The following SAP130 variants were observed in gnomAD, a reference collection of about 807,000 sequenced individuals.
SAP130 encodes the protein Sin3A associated protein 130, also known as histone deacetylase complex subunit SAP130.
Under a neutral mutation model 103.2 loss-of-function variants are expected in SAP130, and 16 were observed. The observed-to-expected ratio is 0.16, with a 90% CI of 0.10 to 0.24. SAP130 has a LOEUF of 0.24. Among genes scored for constraint, SAP130 ranks in the 10% least tolerant of loss-of-function variants. The probability of loss-of-function intolerance (pLI) is 1.00; values close to 1 mark genes in which losing one functional copy is unlikely to be tolerated. For missense variants in SAP130, 990 were observed against 1,359.7 expected (o/e 0.73, Z 4.28); for synonymous variants, 477 against 497.0 (o/e 0.96, Z 0.53).
At chr2:127,992,640 A>G (rs1355953250) in intron 12 of SAP130, among the ~76,000 whole-genome samples, 1 of 152,196 alleles carries the variant, frequency 6.6e-6, no homozygotes, top group Non-Finnish European at 1.5e-5. Context: ...GTAAAAGACT[A>G]CACAGACTCT....
intron 4 of SAP130, among the ~76,000 whole-genome samples, chr2:128,015,925 C>T (rs1006377433): frequency 7.0e-6 from 1 of 142,432 alleles, no homozygotes; most frequent in Non-Finnish European, 1.5e-5. Context: ...TGGGTGACAC[C>T]GTGAGATTCT....
chr2:128,005,034 C>T lies in SAP130; in HGVS notation c.870-4580G>A, dbSNP rs114264792. 4.3e-3 allele frequency among the ~76,000 whole-genome samples: 657 copies of T among 152,254 alleles called. 2 individuals carry two copies. The highest frequency in any genetic ancestry group is 0.015 in the African/African-American group (623 of 41,544). ...AAACACACCAGAAGTGCTTTCACTA[C>T]GCAGATGAACACTGTACCATGAATT... On this transcript the variant is annotated intron_variant, in intron 7 of 20. Transcript: ENST00000643581.
chr2:127,979,428 T>A (rs1681706447), intron 14 of SAP130, among the ~76,000 whole-genome samples: 1 of 151,834 alleles, frequency 6.6e-6, no homozygotes, highest in South Asian at 2.1e-4. Context: ...GGGGATGCCA[T>A]CAACAAAATC....
At chr2:128,013,241 T>C in intron 5 of SAP130, 87 bp from the exon 6 acceptor site, 3 of 1,289,242 alleles carry the variant, frequency 2.3e-6, no homozygotes, top group South Asian at 1.6e-5. Flanking sequence ...TCAGATAGCA[T>C]GTCAATATCG....
At chr2:127,974,255 G>A (rs1314793883) in intron 15 of SAP130, among the ~76,000 whole-genome samples, 4 of 152,038 alleles carry the variant, frequency 2.6e-5, no homozygotes, top group East Asian at 1.9e-4. Context: ...ATGGCTCTCC[G>A]TCTTAGAATA....
rs975178920 is a variant in SAP130, at chr2:127,989,457, A to G, written c.1780+107T>C. 1.0e-6 allele frequency: 1 copy of G among 988,966 alleles called. No individual in the cohort carries two copies. Among genetic ancestry groups the G allele is most frequent in the Non-Finnish European group, 1.5e-6 (1 of 676,202 alleles). The allele number at this position is 988,966 out of a possible 1,614,324, so 61.3% of individuals were successfully genotyped here. A position where few individuals can be genotyped will look rare whatever the true frequency, so the allele number is the denominator to read the frequency against. On this transcript the variant is annotated intron_variant, in intron 13 of 20. Transcript: ENST00000643581. This position sits in a 1 kb window ranked among gnomAD's most constrained non-coding sequence, Gnocchi z 4.6. ...TCATATTATTAATACAAAGAAGAAAAGGCCTAGAGAAATTATAAGACGACA... is the reference window on the plus strand; with the variant it reads ...TCATATTATTAATACAAAGAAGAAAGGGCCTAGAGAAATTATAAGACGACA...
At chr2:127,990,694 G>A (rs1308155116) in intron 12 of SAP130, among the ~76,000 whole-genome samples, 5 of 152,208 alleles carry the variant, frequency 3.3e-5, no homozygotes, top group African/African-American at 7.2e-5. Flanking sequence ...TGATCCCAAC[G>A]CTTTGGGAGA....
intron 15 of SAP130, among the ~76,000 whole-genome samples, chr2:127,968,523 C>T (rs1420496760): frequency 1.3e-5 from 2 of 149,462 alleles, no homozygotes; most frequent in Non-Finnish European, 3.0e-5. Flanking sequence ...AGCAAAACTC[C>T]GTCTCAAAAA....
intron 7 of SAP130, among the ~76,000 whole-genome samples, chr2:128,002,373 T>C (rs549129616): frequency 6.6e-6 from 1 of 151,796 alleles, no homozygotes; most frequent in East Asian, 1.9e-4. Flanking sequence ...CTACTAAAAA[T>C]ACAAAATTAA....
chr2:127,999,417 C>T lies in SAP130; in HGVS notation c.1213+324G>A, dbSNP rs6708014. On this transcript the variant is annotated intron_variant, in intron 10 of 20. Coordinates refer to ENST00000643581, the MANE Select transcript of SAP130 (RefSeq NM_001330301.2). ...ATGAGGTCAAGACCAGCCTGGCCAA[C>T]GTAGCGAAACCCCATCTCTACTAAA... Among the ~76,000 whole-genome samples the T allele has an allele frequency of 3.7e-4, 56 of 152,102 alleles. 1 individual carries two copies. In the South Asian group the frequency reaches 7.1e-3, roughly 19 times the overall value.
At chr2:127,985,435 C>T (rs1682308176) in intron 14 of SAP130, among the ~76,000 whole-genome samples, 1 of 152,214 alleles carries the variant, frequency 6.6e-6, no homozygotes, top group Admixed American at 6.5e-5. Context: ...ATTAGCTCAG[C>T]TGAGCCACAG....
chr2:128,027,864 G>A (rs1685634741), intron 1 of SAP130, 76 bp downstream of exon 1: 1 of 912,988 alleles, frequency 1.1e-6, no homozygotes, highest in Non-Finnish European at 1.3e-6. Context: ...CAACGGGACG[G>A]ACGCTGCAGC....
In SAP130 at chr2:127,989,874, T is replaced by A. The variant is rs1682667592; in HGVS notation, c.1478-8A>T. The A allele has an allele frequency of 6.2e-7, 1 of 1,610,610 alleles. No homozygotes were observed. The highest frequency in any genetic ancestry group is 1.3e-5 in the African/African-American group (1 of 74,946). The stretch of plus-strand genomic sequence containing the variant: ...TTGGAGCCTGAGCTGAAACTAAAAA[T>A]GATGCGAAAGGTAACTATAAGAAGG... On this transcript the variant is annotated splice_region_variant and splice_polypyrimidine_tract_variant and intron_variant, in intron 12 of 20. Coordinates refer to ENST00000643581, the MANE Select transcript of SAP130 (RefSeq NM_001330301.2). This position sits in a 1 kb window ranked among gnomAD's most constrained non-coding sequence, Gnocchi z 4.6.
chr2:127,941,982 T>A lies in SAP130; in HGVS notation c.*24A>T. On this transcript the variant is annotated 3_prime_UTR_variant, in exon 21 of 21. Transcript: ENST00000643581. ...CACCATCATTCTTCATAAATTTGCT[T>A]CCAATCTCCTGATTGTTCTGGGTCT... 8.7e-7 allele frequency: 1 copy of A among 1,155,208 alleles called. No homozygotes were observed. The highest frequency in any genetic ancestry group is 1.1e-6 in the Non-Finnish European group (1 of 897,890). 71.6% of individuals were successfully genotyped at this position (1,155,208 alleles called of 1,614,324 possible). A position where few individuals can be genotyped will look rare whatever the true frequency, so the allele number is the denominator to read the frequency against.
At chr2:127,960,521 A>G (rs1680165866) in intron 15 of SAP130, among the ~76,000 whole-genome samples, 1 of 152,264 alleles carries the variant, frequency 6.6e-6, no homozygotes, top group Non-Finnish European at 1.5e-5. Context: ...CACAAACATT[A>G]TAAGCCTTGT....
chr2:127,972,617 G>A (rs1363751714), intron 15 of SAP130, among the ~76,000 whole-genome samples: 3 of 152,160 alleles, frequency 2.0e-5, no homozygotes, highest in East Asian at 1.9e-4. Flanking sequence ...AATTAGCCAG[G>A]TGTGATGGTG....
chr2:128,006,915 G>A (rs1369096749), intron 7 of SAP130, among the ~76,000 whole-genome samples: 1 of 152,156 alleles, frequency 6.6e-6, no homozygotes, highest in African/African-American at 2.4e-5. Context: ...TAGACATTAG[G>A]AATTTATTGT....
intron 15 of SAP130, among the ~76,000 whole-genome samples, chr2:127,966,212 G>A (rs558652972): frequency 2.0e-5 from 3 of 151,692 alleles, no homozygotes; most frequent in Non-Finnish European, 2.9e-5. Flanking sequence ...GCATGGTGGC[G>A]TGCGCCTGTA....
At position 127,979,876 on chromosome 2, in the gene SAP130, T is replaced by C. The variant is rs150317634; in HGVS notation, c.1959-1787A>G. ...GCATATATTCCTATGTTCAAAATTT[T>C]TTTCTTTTTTTTTTTTTTTGAGACA... On this transcript the variant is annotated intron_variant, in intron 14 of 20. Coordinates refer to ENST00000643581, the MANE Select transcript of SAP130 (RefSeq NM_001330301.2). Among the ~76,000 whole-genome samples the C allele has an allele frequency of 1.8e-4, 27 of 151,944 alleles. No homozygotes were observed. In the Middle Eastern group the frequency reaches 0.01, roughly 57 times the overall value.
Sources: allele counts gnomAD v4.1 joint callset (sites outside exome capture counted in the v4.1 genomes callset), GRCh38; gene constraint gnomAD v4.1.1; non-coding constraint Gnocchi (gnomAD v3.1); transcripts MANE v1.5; gene names NCBI Gene and HGNC (gene_info 2026-07-23, HGNC 2026-07-21).